CRHR2: variants seen among roughly 807,000 people sequenced by gnomAD.
The protein encoded by CRHR2 is corticotropin-releasing hormone receptor 2.
Under a neutral mutation model 57.9 loss-of-function variants are expected in CRHR2, and 53 were observed. The ratio of observed to expected loss-of-function variants is 0.92; its 90% confidence interval spans 0.73 to 1.15. The LOEUF (loss-of-function observed/expected upper bound fraction) is 1.15, where lower values mean the gene tolerates loss of function less well. Among genes scored for constraint, CRHR2 ranks in the 50% most tolerant of loss-of-function variants. The pLI, the probability that CRHR2 is intolerant of heterozygous loss-of-function variation, is 0.00. For synonymous variants in CRHR2, 213 were observed against 220.9 expected, an observed-to-expected ratio of 0.96 and a Z score of 0.32; for missense variants, 532 against 542.6, an observed-to-expected ratio of 0.98 and a Z score of 0.19.
chr7:30,667,434 A>C, intron 2 of CRHR2, 121 bp from the exon 3 acceptor site: 2 of 691,366 alleles, frequency 2.9e-6, no homozygotes, highest in Non-Finnish European at 2.5e-6. Context: ...AGCAAATACA[A>C]TGTGCATCTG....
intron 1 of CRHR2, among the ~76,000 whole-genome samples, chr7:30,698,675 C>T (rs961275295): frequency 6.6e-6 from 1 of 152,202 alleles, no homozygotes; most frequent in African/African-American, 2.4e-5. Context: ...CCACCTCTCT[C>T]CTCCACCTGG....
Position 30,665,285 on chromosome 7 carries a change from A to G in CRHR2, c.426-98T>C, listed in dbSNP as rs1280107497. ...TAGAGACTCAGCCTGGGATGAGGGC[A>G]GGGCTGCACTAGGAGCCACTTCCCA... On this transcript the variant is annotated intron_variant, in intron 4 of 11. Transcript: ENST00000471646. This position sits in a 1 kb window ranked among gnomAD's most constrained non-coding sequence, Gnocchi z 4.5. 9.2e-6 allele frequency: 10 copies of G among 1,084,876 alleles called. No individual in the cohort carries two copies. The highest frequency in any genetic ancestry group is 1.3e-5 in the Non-Finnish European group (9 of 718,076). The allele number at this position is 1,084,876 out of a possible 1,614,324, so 67.2% of individuals were successfully genotyped here.
chr7:30,667,404 C>T, intron 2 of CRHR2, 91 bp from the exon 3 acceptor site: 1 of 988,878 alleles, frequency 1.0e-6, no homozygotes, highest in Non-Finnish European at 1.6e-6. Flanking sequence ...AAGGTGTACG[C>T]ACCTCAGCTC....
Position 30,682,004 on chromosome 7 carries a change from A to G in CRHR2, c.140T>C (p.Ile47Thr). The change falls in exon 2 of 12, where the codon ATC becomes ACC. Residue 47 changes from isoleucine (I) to threonine (T), a missense_variant. Transcript: ENST00000471646. ...YSYCNTTLDQ[I>T]GTCWPRSAAG... ...AGCGCTGCGGGGCCAGCACGTTCCG[A>G]TCTGGTCCAAGGTCGTGTTGCAGTA... 6.2e-7 allele frequency: 1 copy of G among 1,604,062 alleles called. No homozygotes were observed. The highest frequency in any genetic ancestry group is 8.5e-7 in the Non-Finnish European group (1 of 1,175,922).
chr7:30,656,021 AGGGC>A lies in CRHR2; in HGVS notation c.832-13_832-10del. 2 of 1,301,008 alleles carry A rather than the reference AGGGC, an allele frequency of 1.5e-6. No individual in the cohort carries two copies. The highest frequency in any genetic ancestry group is 1.5e-5 in the African/African-American group (1 of 67,670). The allele number at this position is 1,301,008 out of a possible 1,614,324, so 80.6% of individuals were successfully genotyped here. A position where few individuals can be genotyped will look rare whatever the true frequency, so the allele number is the denominator to read the frequency against. Reference sequence around the variant, plus strand: ...AGAAATACGAAATTGATCTGGAGGGAGGGCGGGCATGGGAAAGAGGGAAAAGGAA... The same window carrying A: ...AGAAATACGAAATTGATCTGGAGGGAGGGCATGGGAAAGAGGGAAAAGGAA... On this transcript the variant is annotated splice_polypyrimidine_tract_variant and intron_variant, in intron 8 of 11. Transcript: ENST00000471646. The surrounding 1 kb of genome is among the most constrained non-coding windows in gnomAD (Gnocchi z 4.4).
rs1311592933 is a variant in CRHR2 at position 30,682,352 on chromosome 7, A to G, written c.-72T>C. On this transcript the variant is annotated 5_prime_UTR_variant, in exon 1 of 12. Transcript: ENST00000471646. ...GCGTGACTGCGAGGGAGTGGACGCG[A>G]GAGTGAGCGGCCGAGAGGGCGCGGG... is the stretch of plus-strand genomic sequence containing the variant. 2 of 1,439,588 alleles carry G rather than the reference A, an allele frequency of 1.4e-6. No individual in the cohort carries two copies. The highest frequency in any genetic ancestry group is 2.9e-5 in the East Asian group (1 of 34,428). 89.2% of individuals were successfully genotyped at this position (1,439,588 alleles called of 1,614,324 possible). A position where few individuals can be genotyped will look rare whatever the true frequency, so the allele number is the denominator to read the frequency against.
chr7:30,664,195 CA>C (rs564824370), intron 5 of CRHR2, among the ~76,000 whole-genome samples: 30 of 152,224 alleles, frequency 2.0e-4, no homozygotes, highest in Non-Finnish European at 3.8e-4. Context: ...GGTGTCTGCT[CA>C]GGCACAGGCC....
intron 2 of CRHR2, 119 bp downstream of exon 2, chr7:30,681,789 CCCGCGGT>C (rs1487258892): frequency 2.2e-6 from 3 of 1,377,018 alleles, no homozygotes; most frequent in Non-Finnish European, 2.8e-6. Context: ...GTCCTTAACG[CCCGCGGT>C]CCGCGGTACC....
rs1313771838 is a variant in CRHR2 at position 30,679,580 on chromosome 7, A to G, written c.229+2335T>C. 2.0e-5 allele frequency among the ~76,000 whole-genome samples: 3 copies of G among 152,180 alleles called. No homozygotes were observed. The East Asian group carries it at 5.8e-4, about 29-fold the overall frequency. On this transcript the variant is annotated intron_variant, in intron 2 of 11. Coordinates refer to ENST00000471646, the MANE Select transcript of CRHR2 (RefSeq NM_001883.5). The stretch of plus-strand genomic sequence containing the variant: ...GTGCTCAGCTGAGTTGAAAAATCGC[A>G]GAGACTAATATCTAAACTGCTATCC...
In CRHR2 at chr7:30,665,447, G is replaced by T. The variant is rs981364076; in HGVS notation, c.425+83C>A. 8.2e-7 allele frequency: 1 copy of T among 1,216,520 alleles called. No homozygotes were observed. Among genetic ancestry groups the T allele is most frequent in the Admixed American group, 2.1e-5 (1 of 48,122 alleles). The allele number at this position is 1,216,520 out of a possible 1,614,324, so 75.4% of individuals were successfully genotyped here. On this transcript the variant is annotated intron_variant, in intron 4 of 11. Transcript: ENST00000471646. This position sits in a 1 kb window ranked among gnomAD's most constrained non-coding sequence, Gnocchi z 4.5. ...CCTTTTATCTGCTGGGCCCCAGAAT[G>T]GAGGTGAGAATGTCTGGGAGAGGTG...
chr7:30,671,635 CA>C (rs11305836), intron 2 of CRHR2, among the ~76,000 whole-genome samples: 45,958 of 104,436 alleles, frequency 0.44, 9,632 homozygotes, highest in Non-Finnish European at 0.55. Flanking sequence ...CCCCATCTCT[CA>C]AAAAAAAAAA....
chr7:30,671,970 C>T (rs1317974529), intron 2 of CRHR2, among the ~76,000 whole-genome samples: 2 of 152,090 alleles, frequency 1.3e-5, no homozygotes, highest in African/African-American at 4.8e-5. Context: ...TGGGGAGGGC[C>T]AGAAGCAATA....
chr7:30,671,896 A>G (rs1408046025), intron 2 of CRHR2, among the ~76,000 whole-genome samples: 1 of 151,670 alleles, frequency 6.6e-6, no homozygotes, highest in African/African-American at 2.4e-5. Context: ...GGAGGAGGAG[A>G]AGAAGAAGAG....
At chr7:30,672,043 T>C (rs542649356) in intron 2 of CRHR2, among the ~76,000 whole-genome samples, 81 of 152,282 alleles carry the variant, frequency 5.3e-4, no homozygotes, top group African/African-American at 1.9e-3. Context: ...ACAGCACAAC[T>C]CCATTCTTCA....
chr7:30,674,533 AG>A (rs1344372757), intron 2 of CRHR2, among the ~76,000 whole-genome samples: 1 of 152,244 alleles, frequency 6.6e-6, no homozygotes, highest in Non-Finnish European at 1.5e-5. Flanking sequence ...GCCCAAAGGG[AG>A]AAAAGCAGTC....
intron 2 of CRHR2, among the ~76,000 whole-genome samples, chr7:30,688,244 T>C (rs1340031080): frequency 4.6e-5 from 7 of 152,122 alleles, no homozygotes; most frequent in Admixed American, 6.5e-5. Context: ...TAGGGAGGCC[T>C]CAGGAGGAAC....
chr7:30,678,269 G>A (rs1784584107), intron 2 of CRHR2, among the ~76,000 whole-genome samples: 1 of 152,228 alleles, frequency 6.6e-6, no homozygotes, highest in Non-Finnish European at 1.5e-5. Context: ...TCTGTTACAA[G>A]TGACTTCATT....
intron 9 of CRHR2, 58 bp downstream of exon 9, chr7:30,655,869 G>A (rs947731212): frequency 6.2e-7 from 1 of 1,602,004 alleles, no homozygotes; most frequent in African/African-American, 1.3e-5. Context: ...GAAGCAGGGG[G>A]ACGGCCCGAT....
rs1783800431 is a variant in CRHR2 at position 30,656,590 on chromosome 7, A to G, written c.832-578T>C. Among the ~76,000 whole-genome samples, 1 of 152,204 alleles carries G rather than the reference A, an allele frequency of 6.6e-6. No individual in the cohort carries two copies. On this transcript the variant is annotated intron_variant, in intron 8 of 11. Coordinates refer to ENST00000471646, the MANE Select transcript of CRHR2 (RefSeq NM_001883.5). This position sits in a 1 kb window ranked among gnomAD's most constrained non-coding sequence, Gnocchi z 4.4. ...CAGAGCCTTCGTAGGCACCCTAGAC[A>G]GGGAAGATGGATGGGCTGTGGGGCT... is the stretch of plus-strand genomic sequence containing the variant.
Sources: gnomAD v4.1 joint callset for allele counts (sites outside exome capture counted in the v4.1 genomes callset) on GRCh38, gnomAD v4.1.1 for gene constraint, Gnocchi (gnomAD v3.1) non-coding constraint, MANE v1.5 for transcripts, NCBI Gene and HGNC (gene_info 2026-07-23, HGNC 2026-07-21) for gene names.